Variants in SCN9A observed in about 807,000 individuals in gnomAD.
The protein encoded by SCN9A is sodium channel protein type 9 subunit alpha.
Under a neutral mutation model 187.0 loss-of-function variants are expected in SCN9A, and 131 were observed. The observed-to-expected ratio is 0.70, with a 90% CI of 0.61 to 0.81. The LOEUF (loss-of-function observed/expected upper bound fraction) is 0.81, where lower values mean the gene tolerates loss of function less well. Among genes scored for constraint, SCN9A ranks in the 30% least tolerant of loss-of-function variants. The pLI, the probability that SCN9A is intolerant of heterozygous loss-of-function variation, is 0.00. For synonymous variants in SCN9A, 809 were observed against 808.6 expected (o/e 1.00, Z -0.01); for missense variants, 2,252 against 2,396.6 (o/e 0.94, Z 1.26).
intron 26 of SCN9A, among the ~76,000 whole-genome samples, chr2:166,202,772 A>G (rs1356652658): frequency 6.6e-6 from 1 of 151,708 alleles, no homozygotes; most frequent in South Asian, 2.1e-4. Flanking sequence ...TTTTTCATGT[A>G]TAAGATAATT....
chr2:166,315,351 C>T (rs1699082928), intron 1 of SCN9A, among the ~76,000 whole-genome samples: 1 of 152,162 alleles, frequency 6.6e-6, no homozygotes, highest in African/African-American at 2.4e-5. Flanking sequence ...TTTGATTCTT[C>T]CAATATTCCT....
Position 166,278,273 on chromosome 2 carries a change from A to G in SCN9A, c.2384T>C (p.Leu795Pro). 1 of 1,611,574 alleles carries G rather than the reference A, an allele frequency of 6.2e-7. No individual in the cohort carries two copies. The highest frequency in any genetic ancestry group is 8.5e-7 in the Non-Finnish European group (1 of 1,179,020). Residue 795 changes from leucine to proline, a missense_variant, in exon 15 of 27, where the codon CTG becomes CCG. Leu to Pro is a moderately conservative substitution (Grantham distance 98, BLOSUM62 -3). Around this residue, in one of 7 missense-constraint regions of SCN9A, gnomAD observed 1,013 missense variants for 997.4 expected, o/e 1.02. Transcript: ENST00000642356. ...GIFAAEMVLKLIAMDPYEYFQ... is the reference protein window; with the variant it reads ...GIFAAEMVLKPIAMDPYEYFQ... The stretch of plus-strand genomic sequence containing the variant: ...ATACTCATATGGATCCATGGCAATC[A>G]GTTTTAATACCATTTCAGCTGCAAA...
chr2:166,346,604 G>A (rs1483194287), intron 1 of SCN9A, among the ~76,000 whole-genome samples: 1 of 152,074 alleles, frequency 6.6e-6, no homozygotes, highest in East Asian at 1.9e-4. Context: ...GAAAGATATG[G>A]TTCAGCTGCT....
In SCN9A at chr2:166,356,769, G is replaced by A. The variant is rs569138531; in HGVS notation, c.-51+18928C>T. On this transcript the variant is annotated intron_variant, in intron 1 of 26. Coordinates refer to ENST00000642356, the MANE Select transcript of SCN9A (RefSeq NM_001365536.1). The stretch of plus-strand genomic sequence containing the variant: ...CTTCGTCACTTAAAAATCAGACTTG[G>A]AAATCTTTCTGTATCAGCATGTATA... Among the ~76,000 whole-genome samples the A allele has an allele frequency of 1.2e-3, 190 of 152,128 alleles. 1 individual carries two copies. Among genetic ancestry groups the A allele is most frequent in the African/African-American group, 4.5e-3 (187 of 41,500 alleles).
In SCN9A at chr2:166,199,501, G is replaced by T; in HGVS notation, c.5138C>A (p.Pro1713His). ...ATGAACTTTTTTTGGGTCACAGTCG[G>T]GTGGCTTACTGTTAAGAATAGGTGC... Reference protein sequence around the residue: ...LLAPILNSKPPDCDPKKVHPG... With the variant: ...LLAPILNSKPHDCDPKKVHPG... Residue 1713 changes from proline (P) to histidine (H), a missense_variant, in exon 27 of 27, where the codon CCC becomes CAC. Physicochemically the swap from Pro to His is moderately conservative, Grantham distance 77 (BLOSUM62 -2). Transcript: ENST00000642356. 6.2e-7 allele frequency: 1 copy of T among 1,614,116 alleles called. No individual in the cohort carries two copies. Among genetic ancestry groups the T allele is most frequent in the Non-Finnish European group, 8.5e-7 (1 of 1,180,036 alleles).
chr2:166,355,493 T>C (rs1221813354), intron 1 of SCN9A, among the ~76,000 whole-genome samples: 1 of 152,052 alleles, frequency 6.6e-6, no homozygotes, highest in Non-Finnish European at 1.5e-5. Context: ...ATTATTTTCT[T>C]GTTTGCCAAG....
Position 166,242,601 on chromosome 2 carries a change from T to G in SCN9A, c.3528A>C (p.Lys1176Asn). The G allele has an allele frequency of 6.4e-7, 1 of 1,558,566 alleles. No individual in the cohort carries two copies. The highest frequency in any genetic ancestry group is 8.7e-7 in the Non-Finnish European group (1 of 1,150,596). Reference protein sequence around the residue: ...CQVNIESGKGKIWWNIRKTCY... With the variant: ...CQVNIESGKGNIWWNIRKTCY... ...AGGTTTTCCTGATGTTCCACCAGAT[T>G]TTTCCTTTCCCTGACTCTATGTTAA... The change falls in exon 19 of 27, where the codon AAA becomes AAC. Residue 1176 changes from lysine to asparagine, a missense_variant. Physicochemically the swap from Lys to Asn is moderately conservative, Grantham distance 94 (BLOSUM62 0). Transcript: ENST00000642356.
At chr2:166,241,381 C>A (rs1695559275) in intron 19 of SCN9A, among the ~76,000 whole-genome samples, 1 of 152,048 alleles carries the variant, frequency 6.6e-6, no homozygotes, top group African/African-American at 2.4e-5. Flanking sequence ...TGTATGTGTA[C>A]AAGAATGAGA....
chr2:166,219,265 C>T (rs940145812), intron 24 of SCN9A, among the ~76,000 whole-genome samples: 2 of 152,078 alleles, frequency 1.3e-5, no homozygotes, highest in African/African-American at 4.8e-5. Context: ...GACACATGCA[C>T]ACATATGTTT....
chr2:166,286,683 G>A (rs934646192), intron 10 of SCN9A, 60 bp from the exon 11 acceptor site: 23 of 1,353,558 alleles, frequency 1.7e-5, no homozygotes, highest in Middle Eastern at 2.0e-4. Context: ...GGAAACCCTA[G>A]GACAGGACAT....
intron 9 of SCN9A, among the ~76,000 whole-genome samples, chr2:166,290,777 T>C (rs1230823513): frequency 6.6e-6 from 1 of 152,180 alleles, no homozygotes; most frequent in Non-Finnish European, 1.5e-5. Context: ...TGGTTCAATA[T>C]ATGCAAATCA....
chr2:166,292,782 T>C (rs1427438553), intron 9 of SCN9A, among the ~76,000 whole-genome samples: 1 of 152,094 alleles, frequency 6.6e-6, no homozygotes. Flanking sequence ...GAGCAATTGA[T>C]TTGGGAGAGA....
chr2:166,300,651 A>G (rs1235398348), intron 7 of SCN9A, among the ~76,000 whole-genome samples: 10 of 150,928 alleles, frequency 6.6e-5, no homozygotes, highest in Admixed American at 3.9e-4. Flanking sequence ...AAACGCACCA[A>G]TAAATGAAAG....
chr2:166,346,064 C>T lies in SCN9A; in HGVS notation c.-51+29633G>A, dbSNP rs1023245030. Among the ~76,000 whole-genome samples the T allele has an allele frequency of 1.8e-4, 27 of 152,130 alleles. 1 individual carries two copies. The highest frequency in any genetic ancestry group is 6.5e-4 in the Admixed American group (10 of 15,268). On this transcript the variant is annotated intron_variant, in intron 1 of 26. Transcript: ENST00000642356. ...AAATATGAATAAGGAATGTCTCATT[C>T]TCCTGCTCCTCTGGGCTTTTGAGTA... is the stretch of plus-strand genomic sequence containing the variant.
chr2:166,337,105 G>A (rs1230160288), intron 1 of SCN9A, among the ~76,000 whole-genome samples: 2 of 152,086 alleles, frequency 1.3e-5, no homozygotes, highest in Non-Finnish European at 2.9e-5. Flanking sequence ...TATGATTGGT[G>A]GGGGTATGGA....
At chr2:166,223,019 T>A (rs115732667) in intron 24 of SCN9A, among the ~76,000 whole-genome samples, 1,293 of 93,064 alleles carry the variant, frequency 0.014, 16 homozygotes, top group African/African-American at 0.048. Context: ...CCTGCTAGGA[T>A]GGCTATTACC....
intron 21 of SCN9A, among the ~76,000 whole-genome samples, chr2:166,232,523 G>C (rs1001079076): frequency 3.3e-5 from 5 of 152,068 alleles, no homozygotes; most frequent in Admixed American, 6.6e-5. Flanking sequence ...CCTGATATAA[G>C]TAGGTCCTTG....
At position 166,280,552 on chromosome 2, in the gene SCN9A, T is replaced by A. The variant is rs1481203937; in HGVS notation, c.2148A>T (p.Arg716Ser). 3.1e-6 allele frequency: 5 copies of A among 1,590,770 alleles called. No individual in the cohort carries two copies. In the African/African-American group the frequency reaches 6.7e-5, roughly 21 times the overall value. ...SRQKCPPWWYRFAHKFLIWNC... is the reference protein window; with the variant it reads ...SRQKCPPWWYSFAHKFLIWNC... Reference sequence around the variant, plus strand: ...TCCAGATCAAGAATTTGTGTGCAAATCTGTACCACCAAGGTGGACATTTTT... The same window carrying A: ...TCCAGATCAAGAATTTGTGTGCAAAACTGTACCACCAAGGTGGACATTTTT... The change falls in exon 14 of 27, where the codon AGA (arginine) becomes AGT (serine). Residue 716 changes from arginine to serine, a missense_variant. Physicochemically the swap from Arg to Ser is moderately radical, Grantham distance 110. This residue lies in a region of SCN9A where 1,013 missense variants were observed against 997.4 expected (regional missense o/e 1.02). Transcript: ENST00000642356.
chr2:166,272,424 T>C lies in SCN9A; in HGVS notation c.3326A>G (p.Asp1109Gly). Residue 1109 changes from aspartate (D) to glycine (G), a missense_variant, in exon 17 of 27, where the codon GAT becomes GGT. Asp to Gly is a moderately conservative substitution (Grantham distance 94). This residue lies in a region of SCN9A where 313 missense variants were observed against 295.3 expected (regional missense o/e 1.06). Coordinates refer to ENST00000642356, the MANE Select transcript of SCN9A (RefSeq NM_001365536.1). Reference protein sequence around the residue: ...ENMNAEELSSDSDSEYSKVRL... With the variant: ...ENMNAEELSSGSDSEYSKVRL... The stretch of plus-strand genomic sequence containing the variant: ...CACTTTGCTGTATTCACTATCCGAA[T>C]CACTGCTAAGTTCCTCAGCATTCAT... 1 of 1,601,000 alleles carries C rather than the reference T, an allele frequency of 6.2e-7. No individual in the cohort carries two copies. The highest frequency in any genetic ancestry group is 1.3e-5 in the African/African-American group (1 of 74,814).
Sources: allele counts gnomAD v4.1 joint callset (sites outside exome capture counted in the v4.1 genomes callset), GRCh38; gene constraint gnomAD v4.1.1; regional missense constraint gnomAD v4.1.1; transcripts MANE v1.5; gene names NCBI Gene and HGNC (gene_info 2026-07-23, HGNC 2026-07-21).